The following XKR9 variants were observed in gnomAD, a reference collection of about 807,000 sequenced individuals.
XKR9 encodes XK related 9.
XKR9 carries 32 observed loss-of-function variants against 32.0 expected under a neutral mutation model. That is an observed-to-expected ratio of 1.00 (90% CI 0.76 to 1.34). The LOEUF (loss-of-function observed/expected upper bound fraction) is 1.34, where lower values mean the gene tolerates loss of function less well. Among genes scored for constraint, XKR9 ranks in the 40% most tolerant of loss-of-function variants. The pLI is 0.00. For missense variants in XKR9, 546 were observed against 429.7 expected, an observed-to-expected ratio of 1.27 and a Z score of -2.39; for synonymous variants, 168 against 143.4, an observed-to-expected ratio of 1.17 and a Z score of -1.22.
At chr8:70,806,715 A>AG in the XKR9 span, among the ~76,000 whole-genome samples, 1 of 152,112 alleles carries the variant, frequency 6.6e-6, no homozygotes, top group Non-Finnish European at 1.5e-5. Context: ...ACAAGACTAG[A>AG]GAAAAAAAAT....
chr8:70,738,079 G>A (rs1465709185), downstream of XKR9, among the ~76,000 whole-genome samples: 2 of 120,632 alleles, frequency 1.7e-5, no homozygotes, highest in African/African-American at 5.6e-5. Flanking sequence ...GTAGAATTCG[G>A]CTGTGAATCC....
At chr8:70,916,876 T>C in the XKR9 span, among the ~76,000 whole-genome samples, 1 of 152,152 alleles carries the variant, frequency 6.6e-6, no homozygotes, top group African/African-American at 2.4e-5. Context: ...AGCTTTTTTT[T>C]TTTTACATCT....
the XKR9 span, among the ~76,000 whole-genome samples, chr8:70,973,897 G>A: frequency 6.6e-6 from 1 of 152,114 alleles, no homozygotes; most frequent in African/African-American, 2.4e-5. Flanking sequence ...GTCTATCTTG[G>A]AGAATGTTCC....
At chr8:70,968,734 C>G in the XKR9 span, among the ~76,000 whole-genome samples, 7 of 152,156 alleles carry the variant, frequency 4.6e-5, no homozygotes, top group East Asian at 1.9e-4. Flanking sequence ...CACTCCAGAC[C>G]TCATTTGCCT....
the XKR9 span, among the ~76,000 whole-genome samples, chr8:71,013,614 T>C: frequency 3.9e-5 from 6 of 152,310 alleles, no homozygotes; most frequent in East Asian, 1.9e-4. Flanking sequence ...TGGCAGAAGA[T>C]GGCAGAATGT....
At chr8:71,002,596 TTGATACTATTG>T in the XKR9 span, among the ~76,000 whole-genome samples, 2 of 152,194 alleles carry the variant, frequency 1.3e-5, no homozygotes, top group African/African-American at 4.8e-5. Flanking sequence ...CTCTTTTTTA[TTGATACTATTG>T]TAACTACAAT....
At chr8:70,930,214 C>G in the XKR9 span, among the ~76,000 whole-genome samples, 1 of 152,072 alleles carries the variant, frequency 6.6e-6, no homozygotes, top group Non-Finnish European at 1.5e-5. Flanking sequence ...AAGCCTATAT[C>G]TACTAAGACT....
the XKR9 span, among the ~76,000 whole-genome samples, chr8:70,858,161 T>A: frequency 6.6e-6 from 1 of 152,056 alleles, no homozygotes; most frequent in Admixed American, 6.6e-5. Context: ...AATTAGGAAA[T>A]GAGGAAGTCC....
chr8:71,042,247 G>A, the XKR9 span, among the ~76,000 whole-genome samples: 1 of 152,110 alleles, frequency 6.6e-6, no homozygotes, highest in Non-Finnish European at 1.5e-5. Flanking sequence ...TCTACCAAGG[G>A]AAGCACCTGG....
chr8:70,742,450 A>G (rs1025531068), intron 2 of XKR9, among the ~76,000 whole-genome samples: 1 of 152,244 alleles, frequency 6.6e-6, no homozygotes, highest in African/African-American at 2.4e-5. Context: ...TTGAGTAATA[A>G]AGGGCCTAAA....
the XKR9 span, among the ~76,000 whole-genome samples, chr8:71,027,948 T>A: frequency 2.1e-4 from 32 of 151,658 alleles, no homozygotes; most frequent in East Asian, 7.8e-4. Context: ...TAAAAAAAAT[T>A]TTTTTTGTAG....
At chr8:71,007,425 A>G in the XKR9 span, among the ~76,000 whole-genome samples, 1 of 152,212 alleles carries the variant, frequency 6.6e-6, no homozygotes, top group Non-Finnish European at 1.5e-5. Context: ...TAGAATGAAA[A>G]GAATTAAGGA....
chr8:71,050,932 A>G, the XKR9 span, among the ~76,000 whole-genome samples: 2 of 152,346 alleles, frequency 1.3e-5, 1 homozygote, highest in East Asian at 3.9e-4. Context: ...ATTTAAAAAC[A>G]TGTACTTCTC....
the XKR9 span, among the ~76,000 whole-genome samples, chr8:71,056,984 C>T: frequency 3.9e-5 from 6 of 152,100 alleles, no homozygotes; most frequent in East Asian, 1.2e-3. Flanking sequence ...TTTTATGCCA[C>T]TTCCTGAGTA....
At chr8:70,970,216 A>G in the XKR9 span, among the ~76,000 whole-genome samples, 1 of 152,232 alleles carries the variant, frequency 6.6e-6, no homozygotes, top group East Asian at 1.9e-4. Context: ...ATATGCAAAT[A>G]TCTTTTCATA....
the XKR9 span, among the ~76,000 whole-genome samples, chr8:71,034,487 A>C: frequency 1.4e-4 from 22 of 152,356 alleles, no homozygotes; most frequent in African/African-American, 5.3e-4. Context: ...GTACAGACTA[A>C]TACAGTGATG....
chr8:70,739,732 A>T (rs190666428), downstream of XKR9, among the ~76,000 whole-genome samples: 50 of 152,180 alleles, frequency 3.3e-4, no homozygotes, highest in Middle Eastern at 3.4e-3. Flanking sequence ...TATTAAGCTT[A>T]GTTTGTCTGG....
chr8:70,836,738 A>G, the XKR9 span, among the ~76,000 whole-genome samples: 1 of 152,006 alleles, frequency 6.6e-6, no homozygotes, highest in Non-Finnish European at 1.5e-5. Flanking sequence ...TTGCTGGGTA[A>G]TGTATATTTA....
At chr8:70,955,048 G>C in the XKR9 span, among the ~76,000 whole-genome samples, 1 of 152,202 alleles carries the variant, frequency 6.6e-6, no homozygotes, top group Non-Finnish European at 1.5e-5. Context: ...TTCCACGAGA[G>C]CTTTGTCCTG....
Sources: gnomAD v4.1 joint callset for allele counts (sites outside exome capture counted in the v4.1 genomes callset) on GRCh38, gnomAD v4.1.1 for gene constraint, MANE v1.5 for transcripts, NCBI Gene and HGNC (gene_info 2026-07-23, HGNC 2026-07-21) for gene names.